Variants in FCRLB observed in about 807,000 individuals in gnomAD.
The protein encoded by FCRLB is Fc receptor-like B.
FCRLB carries 34 observed loss-of-function variants against 33.6 expected under a neutral mutation model. The observed-to-expected ratio is 1.01, with a 90% CI of 0.77 to 1.35. The LOEUF (loss-of-function observed/expected upper bound fraction) is 1.35, where lower values mean the gene tolerates loss of function less well. Among genes scored for constraint, FCRLB ranks in the 40% most tolerant of loss-of-function variants. The pLI, the probability that FCRLB is intolerant of heterozygous loss-of-function variation, is 0.00. For missense variants in FCRLB, 560 were observed against 580.2 expected (o/e 0.97, Z 0.36); for synonymous variants, 280 against 255.9 (o/e 1.09, Z -0.90).
chr1:161,723,427 A>G, exon 5 of FCRLB: 4 of 1,614,066 alleles, frequency 2.5e-6, no homozygotes, highest in Non-Finnish European at 3.4e-6. Flanking sequence ...TTCAAAGGGG[A>G]GCGGGTAACT....
intron 2 of FCRLB, among the ~76,000 whole-genome samples, chr1:161,722,325 C>A (rs1331213436): frequency 6.6e-6 from 1 of 152,148 alleles, no homozygotes; most frequent in Non-Finnish European, 1.5e-5. Flanking sequence ...TCAATGGGAG[C>A]CTGAAGATGG....
At chr1:161,723,644 G>T (rs373232160) in intron 5 of FCRLB, 23 bp downstream of exon 5, 4 of 1,606,400 alleles carry the variant, frequency 2.5e-6, no homozygotes, top group Non-Finnish European at 3.4e-6. Context: ...AGCACGAGGG[G>T]AGGGGGAGCA....
At chr1:161,723,114 T>C (rs1254679766) in intron 4 of FCRLB, 105 bp downstream of exon 4, 6 of 1,413,270 alleles carry the variant, frequency 4.2e-6, no homozygotes, top group South Asian at 2.3e-5. Flanking sequence ...GCTGGGATAG[T>C]GTCTCTTCCC....
chr1:161,727,374 C>T (rs1399653214), exon 8 of FCRLB: 1 of 1,613,740 alleles, frequency 6.2e-7, no homozygotes, highest in Non-Finnish European at 8.5e-7. Context: ...TCACCTCCGT[C>T]CGGAACACCA....
chr1:161,723,649 G>A (rs1376603355), intron 5 of FCRLB, 28 bp downstream of exon 5: 7 of 1,602,452 alleles, frequency 4.4e-6, no homozygotes, highest in Non-Finnish European at 6.0e-6. Flanking sequence ...GAGGGGAGGG[G>A]GAGCACGTGT....
exon 8 of FCRLB, chr1:161,727,725 G>GA (rs1683650775): frequency 6.7e-7 from 1 of 1,488,856 alleles, no homozygotes; most frequent in Admixed American, 2.5e-5. Flanking sequence ...CCCCTCACGC[G>GA]AATTTCTTTC....
At chr1:161,724,816 G>A (rs975555735) in intron 5 of FCRLB, among the ~76,000 whole-genome samples, 4 of 152,160 alleles carry the variant, frequency 2.6e-5, no homozygotes, top group Admixed American at 2.0e-4. Context: ...CTATGTAAGC[G>A]TGCTATAATG....
Position 161,726,731 on chromosome 1 carries a change from GATGGGT to G in FCRLB, c.604_609del (p.Met202_Gly203del). The G allele has an allele frequency of 6.3e-7, 1 of 1,597,098 alleles. No individual in the cohort carries two copies. The highest frequency in any genetic ancestry group is 8.5e-7 in the Non-Finnish European group (1 of 1,175,768). On this transcript the variant is annotated inframe_deletion, in exon 7 of 8. Coordinates refer to ENST00000367948, the Ensembl canonical transcript of FCRLB. The surrounding 1 kb of genome is among the most constrained non-coding windows in gnomAD (Gnocchi z 5.2). ...TGTTCCGGGCGCCGGTGCTGAGGGT[GATGGGT>G]CCGCGGGAGGCCCGCGGCGCGGCGC...
chr1:161,722,831 G>A (rs999663935), intron 3 of FCRLB, 128 bp downstream of exon 3: 14 of 1,492,590 alleles, frequency 9.4e-6, no homozygotes, highest in African/African-American at 1.4e-5. Context: ...TTTTGGAGGG[G>A]TGAAGAAGAA....
intron 5 of FCRLB, among the ~76,000 whole-genome samples, chr1:161,724,425 TAAA>T (rs3039575): frequency 0.011 from 1,286 of 112,594 alleles, 6 homozygotes; most frequent in Non-Finnish European, 0.014. Flanking sequence ...CACTCTCTAC[TAAA>T]AAAAAAAAAA....
At chr1:161,724,302 C>T (rs942339927) in intron 5 of FCRLB, among the ~76,000 whole-genome samples, 7 of 151,612 alleles carry the variant, frequency 4.6e-5, no homozygotes, top group African/African-American at 1.7e-4. Flanking sequence ...CAATAAAGTA[C>T]AGGATTGCTG....
In FCRLB at chr1:161,727,060, C is replaced by T. The variant is rs915437571; in HGVS notation, c.865+67C>T. ...CAGCCCTGCTTCCGCCTCTCGGCAC[C>T]CACGAATCACCCCCGCCCCCTGGTT... On this transcript the variant is annotated intron_variant, in intron 7 of 7. Transcript: ENST00000367948. 11 of 1,414,252 alleles carry T rather than the reference C, an allele frequency of 7.8e-6. No individual in the cohort carries two copies. The African/African-American group carries it at 1.3e-4, about 17-fold the overall frequency. 87.6% of individuals were successfully genotyped at this position (1,414,252 alleles called of 1,614,324 possible). A position where few individuals can be genotyped will look rare whatever the true frequency, so the allele number is the denominator to read the frequency against.
exon 5 of FCRLB, chr1:161,723,501 T>C (rs755775561): frequency 1.2e-6 from 2 of 1,614,136 alleles, no homozygotes; most frequent in Non-Finnish European, 8.5e-7. Flanking sequence ...TCTCTGGTAT[T>C]TGGGCCACCT....
At chr1:161,722,936 C>A (rs1683419700) in intron 3 of FCRLB, 53 bp from the exon 4 acceptor site, 8 of 1,610,974 alleles carry the variant, frequency 5.0e-6, no homozygotes, top group Non-Finnish European at 6.8e-6. Context: ...TCTCTCTCCT[C>A]TCATCGCCAA....
chr1:161,725,914 A>G, exon 6 of FCRLB: 1 of 1,614,238 alleles, frequency 6.2e-7, no homozygotes, highest in Non-Finnish European at 8.5e-7. Flanking sequence ...GTGGTCTACA[A>G]GCTTCACTAC....
Position 161,726,900 on chromosome 1 carries a change from G to A in FCRLB, c.772G>A (p.Glu258Lys), listed in dbSNP as rs371588316. ...CGCCGAGTACACAGTCCCGGAGCCCGAGGTCGAGGAGCTCGAATCGTACTG... is the reference window on the plus strand; with the variant it reads ...CGCCGAGTACACAGTCCCGGAGCCCAAGGTCGAGGAGCTCGAATCGTACTG... Residue 258 changes from glutamate (E) to lysine (K), a missense_variant, in exon 7 of 8, where the codon GAG (glutamate) becomes AAG (lysine). Transcript: ENST00000367948. This position sits in a 1 kb window ranked among gnomAD's most constrained non-coding sequence, Gnocchi z 5.2. 67 of 1,588,334 alleles carry A rather than the reference G, an allele frequency of 4.2e-5. No individual in the cohort carries two copies. Among genetic ancestry groups the A allele is most frequent in the Non-Finnish European group, 5.3e-5 (62 of 1,166,986 alleles).
chr1:161,723,975 A>G (rs888103134), intron 5 of FCRLB, among the ~76,000 whole-genome samples: 3 of 152,136 alleles, frequency 2.0e-5, no homozygotes, highest in Admixed American at 2.0e-4. Flanking sequence ...AATTCACCAA[A>G]CAGGAAAGGT....
chr1:161,725,787 G>A (rs772296901), intron 5 of FCRLB, 34 bp from the exon 6 acceptor site: 100 of 1,564,276 alleles, frequency 6.4e-5, no homozygotes, highest in Non-Finnish European at 8.3e-5. Context: ...TGGACTTTCT[G>A]TGGAGTCAAG....
chr1:161,727,080 C>CCCCCT, intron 7 of FCRLB, 87 bp downstream of exon 7: 4 of 1,315,280 alleles, frequency 3.0e-6, no homozygotes, highest in Non-Finnish European at 1.9e-6. Flanking sequence ...CCCCCGCCCC[C>CCCCCT]TGGTTCCCGT....
Sources: gnomAD v4.1 joint callset for allele counts (sites outside exome capture counted in the v4.1 genomes callset) on GRCh38, gnomAD v4.1.1 for gene constraint, Gnocchi (gnomAD v3.1) non-coding constraint, MANE v1.5 for transcripts, NCBI Gene and HGNC (gene_info 2026-07-23, HGNC 2026-07-21) for gene names.